The following CYP3A43 variants were observed in gnomAD, a reference collection of about 807,000 sequenced individuals.
CYP3A43 encodes the protein cytochrome P450 3A43.
In CYP3A43, 45 loss-of-function variants were observed where a neutral mutation model predicts 58.0. The observed-to-expected ratio is 0.78, with a 90% CI of 0.61 to 0.99. The LOEUF is 0.99. Ranked by LOEUF, CYP3A43 falls within the 50% of genes least tolerant of loss-of-function variation. The pLI is 0.00. For synonymous variants in CYP3A43, 191 were observed against 201.4 expected (o/e 0.95, Z 0.44); for missense variants, 593 against 591.9 (o/e 1.00, Z -0.02).
intron 1 of CYP3A43, among the ~76,000 whole-genome samples, chr7:99,833,491 G>A (rs926382860): frequency 5.9e-5 from 9 of 152,310 alleles, no homozygotes; most frequent in African/African-American, 2.2e-4. Context: ...AGGGAAACAG[G>A]GTCTTTGCAA....
intron 2 of CYP3A43, among the ~76,000 whole-genome samples, chr7:99,837,012 A>G (rs886910468): frequency 7.9e-5 from 12 of 152,160 alleles, no homozygotes; most frequent in Non-Finnish European, 1.6e-4. Context: ...AGCTTTGAAA[A>G]TTCAGTTCAT....
At chr7:99,860,909 C>T (rs899081420) in intron 10 of CYP3A43, among the ~76,000 whole-genome samples, 4 of 151,446 alleles carry the variant, frequency 2.6e-5, no homozygotes, top group Non-Finnish European at 4.4e-5. Context: ...AGTCTTGCTT[C>T]GTCGCCCAGG....
chr7:99,841,586 C>A (rs370579556), intron 3 of CYP3A43, among the ~76,000 whole-genome samples: 40 of 152,230 alleles, frequency 2.6e-4, no homozygotes, highest in African/African-American at 9.6e-4. Flanking sequence ...TTAGTAGAGA[C>A]AGGGTTTCCC....
chr7:99,829,661 T>C (rs1189643772), intron 1 of CYP3A43, among the ~76,000 whole-genome samples: 1 of 152,210 alleles, frequency 6.6e-6, no homozygotes, highest in African/African-American at 2.4e-5. Flanking sequence ...CTGGCTGCCC[T>C]GTGAACTCAG....
rs754311708 is a variant in CYP3A43, at chr7:99,844,186, G to A, written c.262G>A (p.Asp88Asn). 3.7e-6 allele frequency: 6 copies of A among 1,613,868 alleles called. No individual in the cohort carries two copies. The South Asian group carries it at 4.4e-5, about 12-fold the overall frequency. Residue 88 changes from aspartate (D) to asparagine (N), a missense_variant, in exon 4 of 13, where the codon GAC becomes AAC. Transcript: ENST00000354829. ...GCCCATGCTGGTCATCATGGATCCC[G>A]ACATGATCAAAACAGTGTTAGTGAA... is the stretch of plus-strand genomic sequence containing the variant. The part of the protein sequence containing the change: ...QQPMLVIMDP[D>N]MIKTVLVKEC...
Position 99,828,064 on chromosome 7 carries a change from C to T in CYP3A43, c.-52C>T, listed in dbSNP as rs559197324. The T allele has an allele frequency of 1.3e-6, 2 of 1,507,022 alleles. No homozygotes were observed. The highest frequency in any genetic ancestry group is 2.7e-5 in the African/African-American group (2 of 72,794). 93.4% of individuals were successfully genotyped at this position (1,507,022 alleles called of 1,614,324 possible). A position where few individuals can be genotyped will look rare whatever the true frequency, so the allele number is the denominator to read the frequency against. ...ATATGCACAGCCCAGCAAAGAGCAGCACACAGCTGAAAGAAAAACTCAGAA... is the reference window on the plus strand; with the variant it reads ...ATATGCACAGCCCAGCAAAGAGCAGTACACAGCTGAAAGAAAAACTCAGAA... On this transcript the variant is annotated 5_prime_UTR_variant, in exon 1 of 13. Coordinates refer to ENST00000354829, the MANE Select transcript of CYP3A43 (RefSeq NM_057095.3).
At chr7:99,843,013 C>T (rs1462949200) in intron 3 of CYP3A43, among the ~76,000 whole-genome samples, 1 of 152,212 alleles carries the variant, frequency 6.6e-6, no homozygotes, top group Non-Finnish European at 1.5e-5. Flanking sequence ...CCACCCAATC[C>T]AAGTTGAATG....
At chr7:99,847,377 G>C (rs1170366719) in intron 4 of CYP3A43, 111 bp from the exon 5 acceptor site, 1 of 1,087,622 alleles carries the variant, frequency 9.2e-7, no homozygotes, top group Non-Finnish European at 1.3e-6. Context: ...CCACCCAGTA[G>C]ATAGTTACTA....
In CYP3A43 at chr7:99,856,838, A is replaced by G. The variant is rs1168574362; in HGVS notation, c.804A>G (p.Arg268=). 6.2e-7 allele frequency: 1 copy of G among 1,613,920 alleles called. No homozygotes were observed. Among genetic ancestry groups the G allele is most frequent in the South Asian group, 1.1e-5 (1 of 91,030 alleles). ...ESRLKDKQKH[R]VDFFQQMIDS... Reference sequence around the variant, plus strand: ...ATTTCTCTTTTTGCTTCCAGCATCGAGTAGATTTCTTTCAACAGATGATCG... The same window carrying G: ...ATTTCTCTTTTTGCTTCCAGCATCGGGTAGATTTCTTTCAACAGATGATCG... Residue 268 remains arginine (R), a synonymous_variant, in exon 9 of 13, where the codon CGA becomes CGG. Transcript: ENST00000354829.
chr7:99,857,125 G>T (rs561628737), intron 9 of CYP3A43, among the ~76,000 whole-genome samples: 115 of 152,262 alleles, frequency 7.6e-4, no homozygotes, highest in Middle Eastern at 6.8e-3. Context: ...TGGCACTCCC[G>T]GAGGTCGGTC....
chr7:99,828,973 A>G (rs1476195004), intron 1 of CYP3A43, among the ~76,000 whole-genome samples: 1 of 152,222 alleles, frequency 6.6e-6, no homozygotes, highest in African/African-American at 2.4e-5. Flanking sequence ...CCACAATAAA[A>G]TAACCTTTGT....
chr7:99,859,792 TA>T, intron 9 of CYP3A43, 37 bp from the exon 10 acceptor site: 2 of 1,613,486 alleles, frequency 1.2e-6, no homozygotes, highest in Non-Finnish European at 8.5e-7. Flanking sequence ...TGCTCTACAC[TA>T]ACCACTTTTC....
chr7:99,838,988 C>T (rs1817211196), intron 2 of CYP3A43, 132 bp from the exon 3 acceptor site: 5 of 1,040,762 alleles, frequency 4.8e-6, no homozygotes, highest in Non-Finnish European at 7.1e-6. Flanking sequence ...AAAAAGATTC[C>T]CTCTAACTGC....
chr7:99,849,155 T>C (rs1389321376), intron 6 of CYP3A43, among the ~76,000 whole-genome samples: 1 of 152,196 alleles, frequency 6.6e-6, no homozygotes, highest in Non-Finnish European at 1.5e-5. Context: ...TCTGGCAATG[T>C]CAAATTTATT....
chr7:99,839,618 G>C (rs1817250929), intron 3 of CYP3A43, among the ~76,000 whole-genome samples: 2 of 152,096 alleles, frequency 1.3e-5, no homozygotes, highest in South Asian at 4.1e-4. Context: ...CAGATATAGG[G>C]GGTCTCCCTA....
At chr7:99,860,597 C>T (rs760191567) in intron 10 of CYP3A43, among the ~76,000 whole-genome samples, 2 of 152,268 alleles carry the variant, frequency 1.3e-5, no homozygotes, top group East Asian at 1.9e-4. Flanking sequence ...TATGGTGTAA[C>T]GAGATCTGGC....
Position 99,847,479 on chromosome 7 carries a change from G to T in CYP3A43, c.319-9G>T. 1 of 1,612,690 alleles carries T rather than the reference G, an allele frequency of 6.2e-7. No individual in the cohort carries two copies. Among genetic ancestry groups the T allele is most frequent in the South Asian group, 1.1e-5 (1 of 90,820 alleles). ...ACGTAGGACAAACTGCTTCTGCTTT[G>T]AACTCAAGCCTTTAGGTCCAATGGG... On this transcript the variant is annotated splice_polypyrimidine_tract_variant and intron_variant, in intron 4 of 12. Transcript: ENST00000354829.
intron 4 of CYP3A43, 80 bp downstream of exon 4, chr7:99,844,322 T>C: frequency 2.1e-6 from 3 of 1,397,466 alleles, no homozygotes; most frequent in Non-Finnish European, 3.0e-6. Flanking sequence ...GCCCAGAAAA[T>C]GGACAGGAAA....
At chr7:99,833,602 G>T (rs996838635) in intron 1 of CYP3A43, among the ~76,000 whole-genome samples, 2 of 152,144 alleles carry the variant, frequency 1.3e-5, no homozygotes, top group South Asian at 2.1e-4. Context: ...GGGAAGTTGG[G>T]TTTTTTTCAT....
Sources: allele counts gnomAD v4.1 joint callset (sites outside exome capture counted in the v4.1 genomes callset), GRCh38; gene constraint gnomAD v4.1.1; transcripts MANE v1.5; gene names NCBI Gene and HGNC (gene_info 2026-07-23, HGNC 2026-07-21).